The following PRDM15 variants were observed in gnomAD, a reference collection of about 807,000 sequenced individuals.
PRDM15 encodes PR domain zinc finger protein 15.
In PRDM15, 64 loss-of-function variants were observed where a neutral mutation model predicts 128.6. That is an observed-to-expected ratio of 0.50 (90% confidence interval 0.41 to 0.61). The LOEUF (loss-of-function observed/expected upper bound fraction) is 0.61. Ranked by LOEUF, PRDM15 falls within the 20% of genes least tolerant of loss-of-function variation. The pLI, the probability that PRDM15 is intolerant of heterozygous loss-of-function variation, is 0.00. For missense variants in PRDM15, 1,242 were observed against 1,569.1 expected, an observed-to-expected ratio of 0.79 and a Z score of 3.52; for synonymous variants, 615 against 621.8, an observed-to-expected ratio of 0.99 and a Z score of 0.16.
At chr21:41,806,011 A>G in intron 21 of PRDM15, among the ~76,000 whole-genome samples, 1 of 99,840 alleles carries the variant, frequency 1.0e-5, no homozygotes, top group Non-Finnish European at 2.2e-5. Flanking sequence ...CACCATCACC[A>G]CCACCATCAC....
At chr21:41,860,407 G>A (rs943761436) in intron 1 of PRDM15, 35 bp from the exon 2 acceptor site, 4 of 1,591,658 alleles carry the variant, frequency 2.5e-6, no homozygotes, top group Non-Finnish European at 3.4e-6. Context: ...TTAATGACAA[G>A]CTCTTACCAA....
At chr21:41,851,310 C>T (rs182950630) in intron 5 of PRDM15, among the ~76,000 whole-genome samples, 1 of 152,376 alleles carries the variant, frequency 6.6e-6, no homozygotes, top group East Asian at 1.9e-4. Flanking sequence ...TTTCTAGCCT[C>T]TCTTCGAAGG....
chr21:41,806,048 C>T lies in PRDM15; in HGVS notation c.2653-1434G>A, dbSNP rs1568880074. 1.4e-3 allele frequency among the ~76,000 whole-genome samples: 72 copies of T among 52,280 alleles called. 1 individual carries two copies. The highest frequency in any genetic ancestry group is 4.2e-3 in the African/African-American group (52 of 12,386). 34.3% of individuals were successfully genotyped at this position (52,280 alleles called of 152,430 possible). A position where few individuals can be genotyped will look rare whatever the true frequency, so the allele number is the denominator to read the frequency against. ...ACCACCACCATCACCACCACCATCA[C>T]CACCACCACCATCACCATCACCACC... is the stretch of plus-strand genomic sequence containing the variant. On this transcript the variant is annotated intron_variant, in intron 21 of 23. Transcript: ENST00000398548.
intron 10 of PRDM15, 54 bp downstream of exon 10, chr21:41,836,056 AGTT>A: frequency 8.5e-7 from 1 of 1,172,416 alleles, no homozygotes; most frequent in Non-Finnish European, 1.2e-6. Context: ...TGATTTGGTC[AGTT>A]GTCTGTGTTG....
chr21:41,826,581 A>G (rs954415810), intron 12 of PRDM15, among the ~76,000 whole-genome samples: 6 of 152,242 alleles, frequency 3.9e-5, no homozygotes, highest in Non-Finnish European at 8.8e-5. Flanking sequence ...AATTGGGATC[A>G]AGACAGACTT....
rs778869643 is a variant in PRDM15 at position 41,879,338 on chromosome 21, C to T, written c.-78G>A. 1 of 1,099,842 alleles carries T rather than the reference C, an allele frequency of 9.1e-7. No homozygotes were observed. Among genetic ancestry groups the T allele is most frequent in the Non-Finnish European group, 1.1e-6 (1 of 894,352 alleles). 68.1% of individuals were successfully genotyped at this position (1,099,842 alleles called of 1,614,324 possible). On this transcript the variant is annotated 5_prime_UTR_variant, in exon 1 of 24. Coordinates refer to ENST00000398548, the MANE Select transcript of PRDM15 (RefSeq NM_001040424.3). The surrounding 1 kb of genome is among the most constrained non-coding windows in gnomAD (Gnocchi z 5.1). ...GTTGCGATCCGCTCCGGAAACTGCG[C>T]AGCACCGGAAGCCGGGGGGCGGCGG...
Position 41,801,008 on chromosome 21 carries a change from A to T in PRDM15, c.*232T>A, listed in dbSNP as rs2061401228. The T allele has an allele frequency of 8.2e-6, 4 of 485,036 alleles. No homozygotes were observed. Among genetic ancestry groups the T allele is most frequent in the African/African-American group, 2.0e-5 (1 of 50,978 alleles). The allele number at this position is 485,036 out of a possible 1,614,324, so 30.0% of individuals were successfully genotyped here. On this transcript the variant is annotated 3_prime_UTR_variant, in exon 24 of 24. Transcript: ENST00000398548. The stretch of plus-strand genomic sequence containing the variant: ...CCAGGACTTACTGCCTTGGTAAGGC[A>T]TGGTGTGGAGCCCCATCCAGTTTAA...
intron 13 of PRDM15, among the ~76,000 whole-genome samples, chr21:41,825,448 A>C (rs1422090737): frequency 6.6e-6 from 1 of 152,220 alleles, no homozygotes; most frequent in African/African-American, 2.4e-5. Flanking sequence ...GGATGACATC[A>C]CCCTTTCCTC....
At position 41,828,026 on chromosome 21, in the gene PRDM15, G is replaced by A. The variant is rs149250777; in HGVS notation, c.1534+140C>T. 2.5e-5 allele frequency: 19 copies of A among 774,268 alleles called. No homozygotes were observed. The highest frequency in any genetic ancestry group is 1.0e-4 in the African/African-American group (6 of 58,112). The allele number at this position is 774,268 out of a possible 1,614,324, so 48.0% of individuals were successfully genotyped here. On this transcript the variant is annotated intron_variant, in intron 12 of 23. Coordinates refer to ENST00000398548, the MANE Select transcript of PRDM15 (RefSeq NM_001040424.3). This position sits in a 1 kb window ranked among gnomAD's most constrained non-coding sequence, Gnocchi z 5.7. ...GTTCTCAGAAGAGGATGAGCCCATC[G>A]GATGGCGGGCGTTTCCAGGCAAAGG...
At chr21:41,874,525 A>ATATATATATATATTTT in intron 1 of PRDM15, among the ~76,000 whole-genome samples, 3 of 95,826 alleles carry the variant, frequency 3.1e-5, no homozygotes, top group African/African-American at 8.3e-5. Flanking sequence ...ATATATATAT[A>ATATATATATATATTTT]TTTTTTTTTT....
At chr21:41,835,382 T>TA (rs1202711387) in intron 11 of PRDM15, 55 bp downstream of exon 11, 10 of 1,410,516 alleles carry the variant, frequency 7.1e-6, no homozygotes, top group Non-Finnish European at 3.0e-6. Flanking sequence ...CTCCGCGGCG[T>TA]ATCTAGAATC....
At chr21:41,818,831 T>C (rs1377766495) in intron 18 of PRDM15, among the ~76,000 whole-genome samples, 1 of 152,226 alleles carries the variant, frequency 6.6e-6, no homozygotes. Flanking sequence ...ACTGGAATTA[T>C]CTTTGTATTT....
chr21:41,806,006 TCACCACCACCATCACCACCAC>T (rs776230880), intron 21 of PRDM15, among the ~76,000 whole-genome samples: 3 of 42,434 alleles, frequency 7.1e-5, no homozygotes, highest in East Asian at 9.1e-4. Flanking sequence ...ACCACCACCA[TCACCACCACCATCACCACCAC>T]CACCATCACC....
chr21:41,820,199 T>TG, intron 16 of PRDM15, 25 bp from the exon 17 acceptor site: 1 of 1,604,810 alleles, frequency 6.2e-7, no homozygotes, highest in Non-Finnish European at 8.5e-7. Context: ...AAGCTCAGGA[T>TG]GGCCGCACAG....
rs1259371828 is a variant in PRDM15, at chr21:41,854,446, C to T, written c.538+120G>A. 2.3e-6 allele frequency: 3 copies of T among 1,301,794 alleles called. No individual in the cohort carries two copies. The highest frequency in any genetic ancestry group is 2.9e-5 in the African/African-American group (2 of 68,570). 80.6% of individuals were successfully genotyped at this position (1,301,794 alleles called of 1,614,324 possible). ...CTCCACTCCTCCACTCTCCGCATCC[C>T]AGCAGCTGGCCCAGCCCAACCCATC... On this transcript the variant is annotated intron_variant, in intron 5 of 23. Transcript: ENST00000398548. The surrounding 1 kb of genome is among the most constrained non-coding windows in gnomAD (Gnocchi z 4.6).
intron 1 of PRDM15, among the ~76,000 whole-genome samples, chr21:41,866,654 T>A (rs370255886): frequency 1.3e-5 from 2 of 152,226 alleles, no homozygotes; most frequent in East Asian, 1.9e-4. Flanking sequence ...CACAAGACCA[T>A]CTTATCAGCT....
chr21:41,830,902 T>G lies in PRDM15; in HGVS notation c.1367-2569A>C, dbSNP rs1346359037. 2.0e-5 allele frequency among the ~76,000 whole-genome samples: 3 copies of G among 152,314 alleles called. No individual in the cohort carries two copies. In the East Asian group the frequency reaches 5.8e-4, roughly 29 times the overall value. Reference sequence around the variant, plus strand: ...TCTCACACAGGCACCTCGGGGGTCCTCACTGCCCAGTCCCTCACCCTGCAG... The same window carrying G: ...TCTCACACAGGCACCTCGGGGGTCCGCACTGCCCAGTCCCTCACCCTGCAG... On this transcript the variant is annotated intron_variant, in intron 11 of 23. Coordinates refer to ENST00000398548, the MANE Select transcript of PRDM15 (RefSeq NM_001040424.3).
chr21:41,837,390 C>A (rs898090618), intron 8 of PRDM15, among the ~76,000 whole-genome samples: 1 of 152,202 alleles, frequency 6.6e-6, no homozygotes. Context: ...GAAGGAAATT[C>A]TGACACAGGC....
At chr21:41,878,682 G>C (rs201344209) in intron 1 of PRDM15, 1 of 1,537,524 alleles carries the variant, frequency 6.5e-7, no homozygotes, top group Non-Finnish European at 8.8e-7. Flanking sequence ...GGGGGTCTGG[G>C]AGACCCCATC....
Sources: gnomAD v4.1 joint callset for allele counts (sites outside exome capture counted in the v4.1 genomes callset) on GRCh38, gnomAD v4.1.1 for gene constraint, Gnocchi (gnomAD v3.1) non-coding constraint, MANE v1.5 for transcripts, NCBI Gene and HGNC (gene_info 2026-07-23, HGNC 2026-07-21) for gene names.